Variants in DLG2 observed in about 807,000 individuals in gnomAD.
DLG2 encodes disks large homolog 2.
A neutral mutation model predicts 132.5 loss-of-function variants in DLG2; 45 were observed. The ratio of observed to expected loss-of-function variants is 0.34; its 90% CI spans 0.27 to 0.44. The LOEUF is 0.44. DLG2 is among the 20% of genes least tolerant of loss of function. The pLI is 1.00. For missense variants in DLG2, 1,045 were observed against 1,196.9 expected, an observed-to-expected ratio of 0.87 and a Z score of 1.87; for synonymous variants, 424 against 419.6, an observed-to-expected ratio of 1.01 and a Z score of -0.13.
chr11:85,360,327 G>A (rs912059223), intron 3 of DLG2, among the ~76,000 whole-genome samples: 4 of 152,118 alleles, frequency 2.6e-5, no homozygotes, highest in Non-Finnish European at 4.4e-5. Flanking sequence ...TTGTGCTTCC[G>A]TTTCCTCACC....
intron 17 of DLG2, among the ~76,000 whole-genome samples, chr11:83,830,651 A>G (rs1286792657): frequency 1.3e-5 from 2 of 152,224 alleles, no homozygotes; most frequent in Non-Finnish European, 2.9e-5. Flanking sequence ...AAGATGTGCC[A>G]TAGAGACTGT....
At chr11:83,826,165 G>A (rs1331141909) in intron 17 of DLG2, among the ~76,000 whole-genome samples, 2 of 152,194 alleles carry the variant, frequency 1.3e-5, no homozygotes, top group African/African-American at 4.8e-5. Flanking sequence ...TCCAAAGGCT[G>A]GAAGTCTGTA....
chr11:84,405,006 C>A (rs977161458), intron 7 of DLG2, among the ~76,000 whole-genome samples: 2 of 152,002 alleles, frequency 1.3e-5, no homozygotes, highest in Non-Finnish European at 2.9e-5. Flanking sequence ...GGAAAAGGGA[C>A]AATGTTGATA....
At chr11:85,487,631 A>T (rs541146448) in intron 3 of DLG2, among the ~76,000 whole-genome samples, 65 of 152,188 alleles carry the variant, frequency 4.3e-4, no homozygotes, top group African/African-American at 1.5e-3. Context: ...TCAGACAAAA[A>T]TTTTTAAAAA....
chr11:84,694,773 G>A (rs1313792382), intron 6 of DLG2, among the ~76,000 whole-genome samples: 1 of 151,486 alleles, frequency 6.6e-6, no homozygotes, highest in Non-Finnish European at 1.5e-5. Context: ...CAACAAATTA[G>A]ATATTAATCC....
At chr11:85,486,563 C>T (rs2093433880) in intron 3 of DLG2, among the ~76,000 whole-genome samples, 1 of 152,084 alleles carries the variant, frequency 6.6e-6, no homozygotes, top group Non-Finnish European at 1.5e-5. Context: ...CCTGATTAGT[C>T]CTGCCAAGAT....
At chr11:85,488,707 A>T (rs1304789333) in intron 3 of DLG2, among the ~76,000 whole-genome samples, 1 of 152,226 alleles carries the variant, frequency 6.6e-6, no homozygotes, top group African/African-American at 2.4e-5. Context: ...GACATATTCA[A>T]AGTGCTGAAA....
intron 6 of DLG2, among the ~76,000 whole-genome samples, chr11:85,033,484 T>G (rs2061196543): frequency 6.6e-6 from 1 of 152,134 alleles, no homozygotes; most frequent in African/African-American, 2.4e-5. Context: ...TCAAAAAGAT[T>G]TTATATGGTT....
rs563930895 is a variant in DLG2 at position 83,894,857 on chromosome 11, C to T, written c.1497-20369G>A. 7.9e-5 allele frequency among the ~76,000 whole-genome samples: 12 copies of T among 152,252 alleles called. No individual in the cohort carries two copies. In the South Asian group the frequency reaches 8.3e-4, roughly 11 times the overall value. On this transcript the variant is annotated intron_variant, in intron 15 of 27. Coordinates refer to ENST00000376104, the MANE Select transcript of DLG2 (RefSeq NM_001142699.3). Reference sequence around the variant, plus strand: ...TACTCTCTGCCTTCATGAGATCCACCGTTTTAGCTCCCACTTATGAGTGAA... The same window carrying T: ...TACTCTCTGCCTTCATGAGATCCACTGTTTTAGCTCCCACTTATGAGTGAA...
intron 3 of DLG2, among the ~76,000 whole-genome samples, chr11:85,404,891 G>A (rs1354416663): frequency 6.6e-6 from 1 of 152,030 alleles, no homozygotes; most frequent in East Asian, 1.9e-4. Context: ...AAGTAATCGT[G>A]TTTTATAACT....
Position 83,906,232 on chromosome 11 carries a change from G to GTCTC in DLG2, c.1496+24092_1496+24095dup, listed in dbSNP as rs144862801. 9.5e-4 allele frequency among the ~76,000 whole-genome samples: 68 copies of GTCTC among 71,576 alleles called. 2 individuals are homozygous for GTCTC. The highest frequency in any genetic ancestry group is 2.5e-3 in the African/African-American group (53 of 21,240). 47.0% of individuals were successfully genotyped at this position (71,576 alleles called of 152,430 possible). Reference sequence around the variant, plus strand: ...TAACTGGAAGATTGCTATAGTAGATGTCTCTCTCTCTCTCTCTCTCTCTCT... The same window carrying GTCTC: ...TAACTGGAAGATTGCTATAGTAGATGTCTCTCTCTCTCTCTCTCTCTCTCTCTCT... On this transcript the variant is annotated intron_variant, in intron 15 of 27. Transcript: ENST00000376104.
intron 4 of DLG2, among the ~76,000 whole-genome samples, chr11:85,243,177 A>AT (rs2075973886): frequency 6.6e-6 from 1 of 151,916 alleles, no homozygotes; most frequent in Admixed American, 6.6e-5. Context: ...GTTACTTATA[A>AT]TTTTTTTATT....
intron 11 of DLG2, among the ~76,000 whole-genome samples, chr11:84,052,447 C>T (rs1046991315): frequency 6.6e-6 from 1 of 151,286 alleles, no homozygotes; most frequent in Admixed American, 6.6e-5. Flanking sequence ...TTAATCTGTC[C>T]ATCTGACAAA....
At chr11:83,510,345 A>T (rs922379361) in intron 21 of DLG2, among the ~76,000 whole-genome samples, 1 of 152,012 alleles carries the variant, frequency 6.6e-6, no homozygotes, top group South Asian at 2.1e-4. Context: ...CCAGACTCAG[A>T]GAGTAAGAGG....
chr11:84,251,212 A>G (rs780291222), intron 8 of DLG2, 26 bp downstream of exon 8: 2 of 1,471,434 alleles, frequency 1.4e-6, no homozygotes, highest in Non-Finnish European at 1.9e-6. Context: ...GTTTTAAAAG[A>G]AGGTAGTAAT....
chr11:84,836,345 G>A (rs530453067), intron 6 of DLG2, among the ~76,000 whole-genome samples: 1 of 151,646 alleles, frequency 6.6e-6, no homozygotes, highest in Admixed American at 6.6e-5. Context: ...CAATGTACCC[G>A]TCACTTACTT....
At chr11:85,043,671 A>G (rs1274119436) in intron 6 of DLG2, among the ~76,000 whole-genome samples, 1 of 151,786 alleles carries the variant, frequency 6.6e-6, no homozygotes, top group Non-Finnish European at 1.5e-5. Context: ...AACAACAAAA[A>G]CAAACAGAAG....
intron 8 of DLG2, among the ~76,000 whole-genome samples, chr11:84,191,942 A>G (rs1597102825): frequency 1.4e-5 from 2 of 148,086 alleles, no homozygotes; most frequent in South Asian, 4.3e-4. Flanking sequence ...ACGGAGTAAC[A>G]TTTTGGAATT....
intron 19 of DLG2, among the ~76,000 whole-genome samples, chr11:83,619,882 A>G (rs2061372846): frequency 8.3e-6 from 1 of 120,608 alleles, no homozygotes; most frequent in Non-Finnish European, 1.7e-5. Context: ...CATTAACAGA[A>G]AAAGTAAGAT....
Sources: gnomAD v4.1 joint callset for allele counts (sites outside exome capture counted in the v4.1 genomes callset) on GRCh38, gnomAD v4.1.1 for gene constraint, MANE v1.5 for transcripts, NCBI Gene and HGNC (gene_info 2026-07-23, HGNC 2026-07-21) for gene names.